The following ALAS1 variants were observed in gnomAD, a reference collection of about 807,000 sequenced individuals.
The protein encoded by ALAS1 is 5-aminolevulinate synthase, non-specific, mitochondrial.
Under a neutral mutation model 59.6 loss-of-function variants are expected in ALAS1, and 29 were observed. The observed-to-expected ratio is 0.49, with a 90% confidence interval of 0.36 to 0.66. The LOEUF is 0.66. Ranked by LOEUF, ALAS1 falls within the 30% of genes least tolerant of loss-of-function variation. The pLI, the probability that ALAS1 is intolerant of heterozygous loss-of-function variation, is 0.00. For synonymous variants in ALAS1, 299 were observed against 296.6 expected, an observed-to-expected ratio of 1.01 and a Z score of -0.08; for missense variants, 690 against 807.5, an observed-to-expected ratio of 0.85 and a Z score of 1.76.
rs1397770883 is a variant in ALAS1 at position 52,214,310 on chromosome 3, A to G, written c.*130A>G. 1.1e-6 allele frequency: 1 copy of G among 901,862 alleles called. No individual in the cohort carries two copies. 55.9% of individuals were successfully genotyped at this position (901,862 alleles called of 1,614,324 possible). A position where few individuals can be genotyped will look rare whatever the true frequency, so the allele number is the denominator to read the frequency against. On this transcript the variant is annotated 3_prime_UTR_variant, in exon 12 of 12. Coordinates refer to ENST00000484952, the MANE Select transcript of ALAS1 (RefSeq NM_000688.6). ...AGTAAAAACATAGTCCTGGAAATAAATTCTTGCTTAAATGGTGGTTCTTTC... is the reference window on the plus strand; with the variant it reads ...AGTAAAAACATAGTCCTGGAAATAAGTTCTTGCTTAAATGGTGGTTCTTTC...
In ALAS1 at chr3:52,198,799, TAA is replaced by T. The variant is rs771262540; in HGVS notation, c.-81_-80del. On this transcript the variant is annotated 5_prime_UTR_variant, in exon 2 of 12. The change abolishes the stop of an existing upstream ORF in the 5' untranslated region. Transcript: ENST00000484952. ...GGGACCAGGAGAAAGTCAGGATCCC[TAA>T]GAGTCTTCCCTGCCTGGATGGATGA... is the stretch of plus-strand genomic sequence containing the variant. The T allele has an allele frequency of 2.2e-5, 34 of 1,535,680 alleles. No individual in the cohort carries two copies. Among genetic ancestry groups the T allele is most frequent in the Non-Finnish European group, 2.9e-5 (33 of 1,146,874 alleles).
At chr3:52,204,463 T>C (rs545925915) in intron 5 of ALAS1, among the ~76,000 whole-genome samples, 2 of 152,252 alleles carry the variant, frequency 1.3e-5, no homozygotes, top group African/African-American at 4.8e-5. Flanking sequence ...CTTTTGGTTG[T>C]GGTGACTACA....
At chr3:52,207,873 C>T (rs1699326778) in intron 8 of ALAS1, among the ~76,000 whole-genome samples, 2 of 152,108 alleles carry the variant, frequency 1.3e-5, no homozygotes, top group Admixed American at 1.3e-4. Flanking sequence ...GGACTTTTTT[C>T]TAATAGATTT....
Position 52,211,701 on chromosome 3 carries a change from G to A in ALAS1, c.1599+150G>A. 2.0e-5 allele frequency: 24 copies of A among 1,177,454 alleles called. No individual in the cohort carries two copies. The South Asian group carries it at 2.1e-4, about 10-fold the overall frequency. 72.9% of individuals were successfully genotyped at this position (1,177,454 alleles called of 1,614,324 possible). A position where few individuals can be genotyped will look rare whatever the true frequency, so the allele number is the denominator to read the frequency against. On this transcript the variant is annotated intron_variant, in intron 10 of 11. Transcript: ENST00000484952. ...GCCAGCCACCCTCTGTCATGTTTCCGCCATTGGCTGACTTCACCAAGAGAA... is the reference window on the plus strand; with the variant it reads ...GCCAGCCACCCTCTGTCATGTTTCCACCATTGGCTGACTTCACCAAGAGAA...
At position 52,199,343 on chromosome 3, in the gene ALAS1, C is replaced by T; in HGVS notation, c.102C>T (p.Pro34=). 6.2e-7 allele frequency: 1 copy of T among 1,614,158 alleles called. No individual in the cohort carries two copies. Residue 34 remains proline, a synonymous_variant, in exon 3 of 12, where the codon CCC becomes CCT. Transcript: ENST00000484952. ...TGTTGTTCTATGCCCAAAACTGCCC[C>T]AAGATGATGGAAGTTGGGGCCAAGC... ...KSLLFYAQNC[P]KMMEVGAKPA...
chr3:52,198,501 C>T (rs1487205797), intron 1 of ALAS1, among the ~76,000 whole-genome samples, 171 bp from the exon 2 acceptor site: 1 of 152,198 alleles, frequency 6.6e-6, no homozygotes. Flanking sequence ...ATACCCCTCC[C>T]GTCATTCTCG....
rs376963140 is a variant in ALAS1 at position 52,208,233 on chromosome 3, T to C, written c.1316T>C (p.Ile439Thr). ...GGAGTCATGCCAAAAATGGACATCA[T>C]TTCTGGAACACTTGGTATGTATACA... is the stretch of plus-strand genomic sequence containing the variant. The part of the protein sequence containing the change: ...RDGVMPKMDI[I>T]SGTLGKAFGC... Residue 439 changes from isoleucine (I) to threonine (T), a missense_variant, in exon 9 of 12, where the codon ATT becomes ACT. Transcript: ENST00000484952. The C allele has an allele frequency of 3.1e-6, 5 of 1,614,074 alleles. No homozygotes were observed. The highest frequency in any genetic ancestry group is 3.4e-6 in the Non-Finnish European group (4 of 1,180,024).
rs144022954 is a variant in ALAS1 at position 52,199,434 on chromosome 3, A to G, written c.193A>G (p.Ser65Gly). Residue 65 changes from serine to glycine, a missense_variant, in exon 3 of 12, where the codon AGT becomes GGT. By Grantham distance (56) the Ser-to-Gly change is moderately conservative. Transcript: ENST00000484952. ...YQQIKETPPASEKDKTAKAKV... is the reference protein window; with the variant it reads ...YQQIKETPPAGEKDKTAKAKV... ...ACAGATCAAAGAAACCCCTCCGGCC[A>G]GTGAGAGTAAGTGTCATTGACAATG... 356 of 1,613,006 alleles carry G rather than the reference A, an allele frequency of 2.2e-4. 3 individuals are homozygous for G. The East Asian group carries it at 7.6e-3, about 34-fold the overall frequency.
chr3:52,206,851 T>TG, intron 8 of ALAS1, 100 bp downstream of exon 8: 1 of 1,323,460 alleles, frequency 7.6e-7, no homozygotes, highest in Non-Finnish European at 1.0e-6. Context: ...TTTTTTTTTT[T>TG]TGTGACCGAT....
intron 9 of ALAS1, 22 bp from the exon 10 acceptor site, chr3:52,211,261 T>G: frequency 6.2e-7 from 1 of 1,607,444 alleles, no homozygotes; most frequent in Non-Finnish European, 8.5e-7. Flanking sequence ...TTGCTGTAAT[T>G]AATGAAGCTA....
intron 2 of ALAS1, 149 bp downstream of exon 2, chr3:52,198,997 G>C: frequency 9.2e-7 from 1 of 1,090,714 alleles, no homozygotes; most frequent in East Asian, 2.6e-5. Context: ...AGGTGCCTTT[G>C]TGTAGCGCTG....
At chr3:52,211,192 G>A in intron 9 of ALAS1, 91 bp from the exon 10 acceptor site, 1 of 1,440,134 alleles carries the variant, frequency 6.9e-7, no homozygotes, top group Non-Finnish European at 9.4e-7. Context: ...AAGGAGAAAA[G>A]TCAGTGCTTT....
intron 3 of ALAS1, 109 bp downstream of exon 3, chr3:52,199,549 G>A: frequency 1.9e-6 from 2 of 1,031,102 alleles, no homozygotes; most frequent in Non-Finnish European, 2.8e-6. Context: ...ACAGAGGGCT[G>A]CTATGTGCAG....
rs760113384 is a variant in ALAS1, at chr3:52,204,852, C to T, written c.737C>T (p.Ser246Leu). 1.2e-6 allele frequency: 2 copies of T among 1,614,190 alleles called. No homozygotes were observed. Among genetic ancestry groups the T allele is most frequent in the South Asian group, 2.2e-5 (2 of 91,074 alleles). ...TCCCTCATCACCAAAAAGCAAGTGT[C>T]AGTCTGGTGCAGTAATGACTACCTA... ...SDSLITKKQV[S>L]VWCSNDYLGM... is the part of the protein sequence containing the mutation. Residue 246 changes from serine (S) to leucine (L), a missense_variant, in exon 6 of 12, where the codon TCA (serine) becomes TTA (leucine). Physicochemically the swap from Ser to Leu is moderately radical, Grantham distance 145. Transcript: ENST00000484952.
In ALAS1 at chr3:52,198,574, T is replaced by C. The variant is rs896129739; in HGVS notation, c.-209-98T>C. On this transcript the variant is annotated intron_variant, in intron 1 of 11. Coordinates refer to ENST00000484952, the MANE Select transcript of ALAS1 (RefSeq NM_000688.6). ...GGAGGACTGCCTTCTTTCTCCAGAC[T>C]CAACTCCCTCGACTTTATAAGCCCC... The C allele has an allele frequency of 5.3e-6, 3 of 568,288 alleles. No homozygotes were observed. In the African/African-American group the frequency reaches 5.7e-5, roughly 11 times the overall value. The allele number at this position is 568,288 out of a possible 1,614,324, so 35.2% of individuals were successfully genotyped here. A position where few individuals can be genotyped will look rare whatever the true frequency, so the allele number is the denominator to read the frequency against.
chr3:52,205,824 T>C lies in ALAS1; in HGVS notation c.801-15T>C. 6.3e-7 allele frequency: 1 copy of C among 1,594,036 alleles called. No homozygotes were observed. The highest frequency in any genetic ancestry group is 8.6e-7 in the Non-Finnish European group (1 of 1,168,180). On this transcript the variant is annotated splice_polypyrimidine_tract_variant and intron_variant, in intron 6 of 11. Coordinates refer to ENST00000484952, the MANE Select transcript of ALAS1 (RefSeq NM_000688.6). ...ATGAGCTTTATTTTCTGGTTTTGTT[T>C]GTATTTTTAAACAGGGACACTTTGA...
chr3:52,213,459 T>C (rs1452484187), intron 11 of ALAS1, among the ~76,000 whole-genome samples: 3 of 152,190 alleles, frequency 2.0e-5, no homozygotes, highest in Admixed American at 1.3e-4. Context: ...AGCCTTAAAA[T>C]TTTTATAAAA....
chr3:52,211,377 C>T lies in ALAS1; in HGVS notation c.1425C>T (p.Thr475=), dbSNP rs1285075225. 6.2e-7 allele frequency: 1 copy of T among 1,614,112 alleles called. No homozygotes were observed. The highest frequency in any genetic ancestry group is 8.5e-7 in the Non-Finnish European group (1 of 1,180,046). The change falls in exon 10 of 12, where the codon ACC becomes ACT. Residue 475 remains threonine, a synonymous_variant. Transcript: ENST00000484952. Reference sequence around the variant, plus strand: ...ATGCTGCTGGCTTCATCTTCACCACCTCTCTGCCACCCATGCTGCTGGCTG... The same window carrying T: ...ATGCTGCTGGCTTCATCTTCACCACTTCTCTGCCACCCATGCTGCTGGCTG... ...RSYAAGFIFT[T]SLPPMLLAGA... is the part of the protein sequence containing the mutation.
In ALAS1 at chr3:52,204,013, G is replaced by A; in HGVS notation, c.577+1G>A. On this transcript the variant is annotated splice_donor_variant, in intron 5 of 11. Transcript: ENST00000484952. LOFTEE classifies it high-confidence loss of function. ...CTTCTTCAAGATAACTTGCCAAAAT[G>A]TAAGTCTCATTGTTATTTGCCTGAT... 1.9e-6 allele frequency: 3 copies of A among 1,601,352 alleles called. No individual in the cohort carries two copies. The highest frequency in any genetic ancestry group is 2.6e-6 in the Non-Finnish European group (3 of 1,174,080).
Sources: gnomAD v4.1 joint callset for allele counts (sites outside exome capture counted in the v4.1 genomes callset) on GRCh38, gnomAD v4.1.1 for gene constraint, MANE v1.5 for transcripts, NCBI Gene and HGNC (gene_info 2026-07-23, HGNC 2026-07-21) for gene names.